The following RPS6KA2 variants were observed in gnomAD, a reference collection of about 807,000 sequenced individuals.
RPS6KA2 encodes the protein ribosomal protein S6 kinase alpha-2.
A neutral mutation model predicts 91.8 loss-of-function variants in RPS6KA2; 42 were observed. That is an observed-to-expected ratio of 0.46 (90% CI 0.36 to 0.59). The LOEUF (loss-of-function observed/expected upper bound fraction) is 0.59. Ranked by LOEUF, RPS6KA2 falls within the 20% of genes least tolerant of loss-of-function variation. The pLI, the probability that RPS6KA2 is intolerant of heterozygous loss-of-function variation, is 0.00. For synonymous variants in RPS6KA2, 414 were observed against 393.6 expected (o/e 1.05, Z -0.61); for missense variants, 798 against 978.5 (o/e 0.82, Z 2.46).
chr6:166,543,358 C>T lies in RPS6KA2; in HGVS notation c.100-4574G>A, dbSNP rs184380973. On this transcript the variant is annotated intron_variant, in intron 1 of 20. Coordinates refer to ENST00000265678, the MANE Select transcript of RPS6KA2 (RefSeq NM_021135.6). Reference sequence around the variant, plus strand: ...AAGGAACTTGTTAAAATGCAGATTCCAGGCCCTGGGCAAGGCCTTCTTGGT... The same window carrying T: ...AAGGAACTTGTTAAAATGCAGATTCTAGGCCCTGGGCAAGGCCTTCTTGGT... 4.5e-3 allele frequency among the ~76,000 whole-genome samples: 688 copies of T among 152,318 alleles called. 4 individuals carry two copies. The highest frequency in any genetic ancestry group is 5.5e-3 in the Non-Finnish European group (376 of 68,024).
intron 2 of RPS6KA2, among the ~76,000 whole-genome samples, chr6:166,848,637 T>C (rs1780662902): frequency 6.6e-6 from 1 of 152,098 alleles, no homozygotes; most frequent in Non-Finnish European, 1.5e-5. Flanking sequence ...TTATTCTTAG[T>C]GAAGTAACTC....
rs1788288779 is a variant in RPS6KA2, at chr6:166,665,515, T to C, written c.124-126731A>G. Among the ~76,000 whole-genome samples the C allele has an allele frequency of 6.6e-6, 1 of 151,940 alleles. No homozygotes were observed. The highest frequency in any genetic ancestry group is 1.5e-5 in the Non-Finnish European group (1 of 67,968). ...AGACCCCCATGTGACTTCCCCACCT[T>C]TGTGGCGCATGGTATGAAGAGTACA... On this transcript the variant is annotated intron_variant, in intron 2 of 21. Coordinates refer to the RPS6KA2 transcript ENST00000503859. The surrounding 1 kb of genome is among the most constrained non-coding windows in gnomAD (Gnocchi z 4.5).
chr6:166,854,016 C>A (rs9366065), intron 2 of RPS6KA2, among the ~76,000 whole-genome samples: 110,369 of 152,164 alleles, frequency 0.73, 45,530 homozygotes, highest in Non-Finnish European at 0.92. Flanking sequence ...CTCTTAAAGA[C>A]GTATTGCCTG....
chr6:166,768,443 G>A (rs1202409182), intron 2 of RPS6KA2, among the ~76,000 whole-genome samples: 1 of 152,188 alleles, frequency 6.6e-6, no homozygotes, highest in African/African-American at 2.4e-5. Flanking sequence ...CCACGCTTCT[G>A]GGACCATCCT....
chr6:166,737,956 CAG>C lies in RPS6KA2; in HGVS notation c.123+120242_123+120243del, dbSNP rs1790714150. Among the ~76,000 whole-genome samples, 2 of 152,180 alleles carry C rather than the reference CAG, an allele frequency of 1.3e-5. No individual in the cohort carries two copies. Among genetic ancestry groups the C allele is most frequent in the African/African-American group, 4.8e-5 (2 of 41,434 alleles). On this transcript the variant is annotated intron_variant, in intron 2 of 21. Coordinates refer to the RPS6KA2 transcript ENST00000503859. The surrounding 1 kb of genome is among the most constrained non-coding windows in gnomAD (Gnocchi z 4.3). ...AAAATAAAAATGTCATGCCATCGCT[CAG>C]AGAGAATCCTTTTAATATTGTTTAC...
At chr6:166,483,869 A>G (rs1221508116) in intron 10 of RPS6KA2, among the ~76,000 whole-genome samples, 1 of 152,284 alleles carries the variant, frequency 6.6e-6, no homozygotes, top group African/African-American at 2.4e-5. Flanking sequence ...CAGTCTTGTC[A>G]TGAAGATCGG....
At chr6:166,578,117 C>T (rs1487959850) in intron 1 of RPS6KA2, among the ~76,000 whole-genome samples, 1 of 152,192 alleles carries the variant, frequency 6.6e-6, no homozygotes, top group East Asian at 1.9e-4. Flanking sequence ...AATTAAACCT[C>T]TTTTTCTTCC....
intron 2 of RPS6KA2, among the ~76,000 whole-genome samples, chr6:166,756,410 T>C (rs1328328244): frequency 6.6e-6 from 1 of 152,266 alleles, no homozygotes; most frequent in Non-Finnish European, 1.5e-5. Context: ...TATTTTTTCT[T>C]TTTAAAAAGA....
intron 2 of RPS6KA2, among the ~76,000 whole-genome samples, chr6:166,716,493 G>T (rs990128139): frequency 8.5e-5 from 13 of 152,218 alleles, no homozygotes; most frequent in African/African-American, 3.1e-4. Flanking sequence ...TGAATGAAAC[G>T]ACGTCATTTG....
At chr6:166,672,868 A>T (rs1203156142) in intron 2 of RPS6KA2, among the ~76,000 whole-genome samples, 1 of 152,166 alleles carries the variant, frequency 6.6e-6, no homozygotes, top group African/African-American at 2.4e-5. Flanking sequence ...GCTGAAAGAG[A>T]GGCAGTTGCC....
chr6:166,680,622 G>A lies in RPS6KA2; in HGVS notation c.124-141838C>T, dbSNP rs111864458. On this transcript the variant is annotated intron_variant, in intron 2 of 21. Coordinates refer to the RPS6KA2 transcript ENST00000503859. The stretch of plus-strand genomic sequence containing the variant: ...CCAGGAGGGACGAACAACTCTGGAC[G>A]TGCCAACCTTATGAACTGTAACACT... Among the ~76,000 whole-genome samples the A allele has an allele frequency of 2.1e-4, 32 of 152,242 alleles. No homozygotes were observed. In the East Asian group the frequency reaches 4.4e-3, roughly 21 times the overall value.
intron 2 of RPS6KA2, among the ~76,000 whole-genome samples, chr6:166,793,683 C>A (rs1244449940): frequency 6.6e-6 from 1 of 152,066 alleles, no homozygotes; most frequent in Non-Finnish European, 1.5e-5. Context: ...AGAACAGAGC[C>A]CTCAGAAATA....
At chr6:166,530,287 G>A (rs1396890170) in intron 3 of RPS6KA2, among the ~76,000 whole-genome samples, 1 of 152,120 alleles carries the variant, frequency 6.6e-6, no homozygotes, top group Non-Finnish European at 1.5e-5. Flanking sequence ...TACCCTGCAG[G>A]TTTCCCCATA....
intron 1 of RPS6KA2, among the ~76,000 whole-genome samples, chr6:166,859,666 A>AAAC (rs59026168): frequency 0.11 from 16,817 of 152,092 alleles, 2,835 homozygotes; most frequent in African/African-American, 0.36. Context: ...CAATTTTTAT[A>AAAC]AACTGTATTT....
chr6:166,564,503 C>T (rs1465808701), intron 1 of RPS6KA2, among the ~76,000 whole-genome samples: 2 of 152,216 alleles, frequency 1.3e-5, no homozygotes, highest in African/African-American at 4.8e-5. Context: ...CACGCCTCCC[C>T]TTTATTCTCT....
chr6:166,829,740 G>A (rs183938699), intron 2 of RPS6KA2, among the ~76,000 whole-genome samples: 2 of 152,212 alleles, frequency 1.3e-5, no homozygotes, highest in Admixed American at 1.3e-4. Context: ...CAACCCAATG[G>A]TCCATCAGCA....
exon 1 of RPS6KA2, chr6:166,862,351 C>T (rs2128635619): frequency 1.4e-6 from 2 of 1,436,674 alleles, no homozygotes; most frequent in East Asian, 2.6e-5. Context: ...GAGCGCGGGG[C>T]CTGCGCCGGC....
intron 10 of RPS6KA2, among the ~76,000 whole-genome samples, chr6:166,487,510 C>T (rs1268651656): frequency 6.6e-6 from 1 of 152,130 alleles, no homozygotes; most frequent in Admixed American, 6.5e-5. Context: ...AGTGGGTTAT[C>T]ACCGAGAGGT....
intron 2 of RPS6KA2, among the ~76,000 whole-genome samples, chr6:166,800,639 G>A (rs1477663402): frequency 6.6e-6 from 1 of 152,140 alleles, no homozygotes; most frequent in Non-Finnish European, 1.5e-5. Flanking sequence ...ACAGTGCCTC[G>A]ATCTTGGACT....
Sources: gnomAD v4.1 joint callset for allele counts (sites outside exome capture counted in the v4.1 genomes callset) on GRCh38, gnomAD v4.1.1 for gene constraint, Gnocchi (gnomAD v3.1) non-coding constraint, MANE v1.5 for transcripts, NCBI Gene and HGNC (gene_info 2026-07-23, HGNC 2026-07-21) for gene names.